Variants in GRID1 observed in about 807,000 individuals in gnomAD.
The protein encoded by GRID1 is glutamate receptor ionotropic, delta-1.
Under a neutral mutation model 98.0 loss-of-function variants are expected in GRID1, and 28 were observed. The ratio of observed to expected loss-of-function variants is 0.29; its 90% confidence interval spans 0.21 to 0.39. The LOEUF (loss-of-function observed/expected upper bound fraction) is 0.39, where lower values mean the gene tolerates loss of function less well. Among genes scored for constraint, GRID1 ranks in the 10% least tolerant of loss-of-function variants. The pLI is 1.00. For synonymous variants in GRID1, 553 were observed against 538.5 expected (o/e 1.03, Z -0.37); for missense variants, 1,111 against 1,340.5 (o/e 0.83, Z 2.67).
intron 2 of GRID1, among the ~76,000 whole-genome samples, chr10:86,215,712 A>G (rs1325181621): frequency 6.6e-6 from 1 of 152,134 alleles, no homozygotes; most frequent in Non-Finnish European, 1.5e-5. Flanking sequence ...CCAGCCCACA[A>G]GATGTCACCT....
chr10:86,174,285 A>G (rs1237780526), intron 3 of GRID1, among the ~76,000 whole-genome samples: 1 of 152,160 alleles, frequency 6.6e-6, no homozygotes, highest in African/African-American at 2.4e-5. Context: ...TACTGGTACC[A>G]AAACAGAGAT....
At chr10:86,263,613 TG>T (rs1259606657) in intron 2 of GRID1, among the ~76,000 whole-genome samples, 4 of 152,224 alleles carry the variant, frequency 2.6e-5, no homozygotes, top group Non-Finnish European at 4.4e-5. Context: ...TCACTAGTTG[TG>T]GGACCTTGAG....
At chr10:86,156,051 T>A (rs1249453006) in intron 3 of GRID1, among the ~76,000 whole-genome samples, 1 of 152,166 alleles carries the variant, frequency 6.6e-6, no homozygotes, top group Non-Finnish European at 1.5e-5. Flanking sequence ...AGGAGTCAGA[T>A]ATAGAGACAG....
chr10:85,650,031 G>C (rs1843246966), intron 12 of GRID1: 1 of 152,148 alleles, frequency 6.6e-6, no homozygotes, highest in Admixed American at 6.6e-5. Flanking sequence ...TCTTATTCCA[G>C]GGTGAATAAA....
chr10:86,359,096 A>G (rs1189844699), intron 2 of GRID1, among the ~76,000 whole-genome samples: 1 of 152,222 alleles, frequency 6.6e-6, no homozygotes, highest in African/African-American at 2.4e-5. Context: ...AAGAGAATAA[A>G]TGTGTGTTGA....
chr10:85,868,196 A>G (rs986403666), intron 6 of GRID1, among the ~76,000 whole-genome samples: 1 of 152,212 alleles, frequency 6.6e-6, no homozygotes, highest in African/African-American at 2.4e-5. Context: ...CACAAACCCA[A>G]GTGGAAGAAA....
At chr10:85,896,517 CT>C (rs1375591650) in intron 5 of GRID1, among the ~76,000 whole-genome samples, 1 of 152,138 alleles carries the variant, frequency 6.6e-6, no homozygotes, top group Non-Finnish European at 1.5e-5. Context: ...AATAATCTCT[CT>C]CTTATAAGGT....
intron 5 of GRID1, among the ~76,000 whole-genome samples, chr10:85,907,369 C>T (rs958383394): frequency 6.6e-5 from 10 of 152,190 alleles, no homozygotes; most frequent in African/African-American, 2.2e-4. Context: ...GCCTCGGCCT[C>T]CCAAAGTGCT....
intron 8 of GRID1, among the ~76,000 whole-genome samples, chr10:85,821,842 T>C (rs938329567): frequency 6.6e-6 from 1 of 152,134 alleles, no homozygotes; most frequent in African/African-American, 2.4e-5. Context: ...AACAGACATG[T>C]AGACCAATGG....
intron 13 of GRID1, among the ~76,000 whole-genome samples, chr10:85,631,985 G>GCACACACACACA (rs10634848): frequency 3.4e-5 from 5 of 147,754 alleles, no homozygotes; most frequent in African/African-American, 1.2e-4. Context: ...AAACACATAT[G>GCACACACACACA]CACACACACA....
chr10:85,966,226 T>C (rs1206881309), intron 4 of GRID1, among the ~76,000 whole-genome samples: 1 of 152,112 alleles, frequency 6.6e-6, no homozygotes, highest in East Asian at 1.9e-4. Flanking sequence ...CCTGAGTCTG[T>C]AATAACAGTT....
At chr10:86,258,257 T>A (rs116850501) in intron 2 of GRID1, among the ~76,000 whole-genome samples, 6,046 of 152,226 alleles carry the variant, frequency 0.04, 236 homozygotes, top group Admixed American at 0.11. Context: ...AAAAAATACA[T>A]CAGCTGAATG....
At chr10:86,016,515 A>G (rs1454511577) in intron 4 of GRID1, among the ~76,000 whole-genome samples, 1 of 152,140 alleles carries the variant, frequency 6.6e-6, no homozygotes, top group Non-Finnish European at 1.5e-5. Context: ...GTTAATTTCT[A>G]TGAATTCTCT....
chr10:86,310,340 G>A (rs1035654667), intron 2 of GRID1, among the ~76,000 whole-genome samples: 1 of 152,212 alleles, frequency 6.6e-6, no homozygotes, highest in South Asian at 2.1e-4. Flanking sequence ...TCAGGACAGA[G>A]CCACACTGAG....
At chr10:86,320,367 G>A (rs1300750029) in intron 2 of GRID1, among the ~76,000 whole-genome samples, 2 of 152,184 alleles carry the variant, frequency 1.3e-5, no homozygotes, top group African/African-American at 4.8e-5. Flanking sequence ...GACAGAATGG[G>A]CATTTCAAAC....
intron 8 of GRID1, among the ~76,000 whole-genome samples, chr10:85,783,446 T>C (rs1280162848): frequency 2.6e-5 from 4 of 151,874 alleles, no homozygotes; most frequent in Non-Finnish European, 5.9e-5. Flanking sequence ...CCGAATGGAG[T>C]TCCTCGAATC....
chr10:86,338,573 G>A (rs1402003717), intron 2 of GRID1, among the ~76,000 whole-genome samples: 1 of 152,050 alleles, frequency 6.6e-6, no homozygotes, highest in African/African-American at 2.4e-5. Context: ...AGCCCCCCAG[G>A]GGAGGGGGGA....
intron 5 of GRID1, among the ~76,000 whole-genome samples, chr10:85,899,792 T>G (rs1841352773): frequency 6.6e-6 from 1 of 152,136 alleles, no homozygotes; most frequent in South Asian, 2.1e-4. Context: ...CAGCAATTCT[T>G]GAGTAAGAGG....
At chr10:86,318,858 G>A (rs1847932855) in intron 2 of GRID1, among the ~76,000 whole-genome samples, 1 of 152,202 alleles carries the variant, frequency 6.6e-6, no homozygotes, top group South Asian at 2.1e-4. Flanking sequence ...CATTCTAGCA[G>A]GAGAGAAAGC....
Sources: allele counts gnomAD v4.1 joint callset (sites outside exome capture counted in the v4.1 genomes callset), GRCh38; gene constraint gnomAD v4.1.1; transcripts MANE v1.5; gene names NCBI Gene and HGNC (gene_info 2026-07-23, HGNC 2026-07-21).